The following STEAP2 variants were observed in gnomAD, a reference collection of about 807,000 sequenced individuals.
The protein encoded by STEAP2 is metalloreductase STEAP2.
In STEAP2, 30 loss-of-function variants were observed where a neutral mutation model predicts 46.4. The observed-to-expected ratio is 0.65, with a 90% CI of 0.48 to 0.88. STEAP2 has a LOEUF of 0.88. Among genes scored for constraint, STEAP2 ranks in the 40% least tolerant of loss-of-function variants. The probability of loss-of-function intolerance (pLI) is 0.00; values close to 1 mark genes in which losing one functional copy is unlikely to be tolerated. For synonymous variants in STEAP2, 180 were observed against 200.5 expected (o/e 0.90, Z 0.86); for missense variants, 513 against 579.3 (o/e 0.89, Z 1.18).
In STEAP2 at chr7:90,237,303, A is replaced by G; in HGVS notation, c.*4679A>G. On this transcript the variant is annotated 3_prime_UTR_variant, in exon 6 of 6. Transcript: ENST00000394621. ...CTGCCCTTCAGTTCTTTATCCTGATACCATTTAACACTGTCTGAATTAACT... is the reference window on the plus strand; with the variant it reads ...CTGCCCTTCAGTTCTTTATCCTGATGCCATTTAACACTGTCTGAATTAACT... 9.3e-6 allele frequency: 2 copies of G among 214,044 alleles called. No homozygotes were observed. Among genetic ancestry groups the G allele is most frequent in the Non-Finnish European group, 1.8e-5 (2 of 109,120 alleles). 13.3% of individuals were successfully genotyped at this position (214,044 alleles called of 1,614,324 possible).
chr7:90,235,072 A>G lies in STEAP2; in HGVS notation c.*2448A>G, dbSNP rs1795916354. Reference sequence around the variant, plus strand: ...CACTCTTTTAACACTATGCTTAACCACTTAATGTGATGAAATATTCCTAAA... The same window carrying G: ...CACTCTTTTAACACTATGCTTAACCGCTTAATGTGATGAAATATTCCTAAA... On this transcript the variant is annotated 3_prime_UTR_variant, in exon 6 of 6. Transcript: ENST00000394621. The G allele has an allele frequency of 1.1e-6, 1 of 949,080 alleles. No homozygotes were observed. Among genetic ancestry groups the G allele is most frequent in the Non-Finnish European group, 1.3e-6 (1 of 796,840 alleles). The allele number at this position is 949,080 out of a possible 1,614,324, so 58.8% of individuals were successfully genotyped here. A position where few individuals can be genotyped will look rare whatever the true frequency, so the allele number is the denominator to read the frequency against.
At chr7:90,228,068 G>A (rs1477716324) in intron 4 of STEAP2, among the ~76,000 whole-genome samples, 1 of 152,072 alleles carries the variant, frequency 6.6e-6, no homozygotes, top group Non-Finnish European at 1.5e-5. Flanking sequence ...TTCCACAGGT[G>A]AAGCTTTTCT....
intron 2 of STEAP2, among the ~76,000 whole-genome samples, chr7:90,222,340 C>T (rs1795286323): frequency 6.6e-6 from 1 of 152,122 alleles, no homozygotes; most frequent in East Asian, 1.9e-4. Flanking sequence ...TTCCCAGGAT[C>T]GGGTGCTCCT....
In STEAP2 at chr7:90,233,363, A is replaced by G; in HGVS notation, c.*739A>G. On this transcript the variant is annotated 3_prime_UTR_variant, in exon 6 of 6. Coordinates refer to ENST00000394621, the MANE Select transcript of STEAP2 (RefSeq NM_001244944.2). ...CTGATCAGGAAGAGGATTCAGTAAC[A>G]TTTGGCTTCCAAAACTGCTATCTCT... 1.0e-6 allele frequency: 1 copy of G among 984,970 alleles called. No individual in the cohort carries two copies. 61.0% of individuals were successfully genotyped at this position (984,970 alleles called of 1,614,324 possible).
Position 90,233,480 on chromosome 7 carries a change from G to A in STEAP2, c.*856G>A. 1 of 985,358 alleles carries A rather than the reference G, an allele frequency of 1.0e-6. No individual in the cohort carries two copies. The highest frequency in any genetic ancestry group is 4.7e-5 in the South Asian group (1 of 21,288). 61.0% of individuals were successfully genotyped at this position (985,358 alleles called of 1,614,324 possible). A position where few individuals can be genotyped will look rare whatever the true frequency, so the allele number is the denominator to read the frequency against. On this transcript the variant is annotated 3_prime_UTR_variant, in exon 6 of 6. Coordinates refer to ENST00000394621, the MANE Select transcript of STEAP2 (RefSeq NM_001244944.2). ...ACAAGTAATCTGCCAGCTGACCTTT[G>A]TCGCACCTTAACCAGTCACCACTTG... is the stretch of plus-strand genomic sequence containing the variant.
rs1293179845 is a variant in STEAP2 at position 90,212,032 on chromosome 7, C to CG, written c.-154dup. 1 of 152,766 alleles carries CG rather than the reference C, an allele frequency of 6.5e-6. No homozygotes were observed. The highest frequency in any genetic ancestry group is 1.5e-5 in the Non-Finnish European group (1 of 68,426). The allele number at this position is 152,766 out of a possible 1,614,324, so 9.5% of individuals were successfully genotyped here. On this transcript the variant is annotated 5_prime_UTR_variant, in exon 1 of 6. Transcript: ENST00000394621. ...TCGCCCCTGCCCGGCGTGGAGGGCG[C>CG]GGGGGGCGCGGAGGTGAGCGGGTCG...
downstream of STEAP2, chr7:90,238,034 T>C (rs1398992845): frequency 9.8e-6 from 7 of 716,620 alleles, no homozygotes; most frequent in Non-Finnish European, 1.6e-5. Context: ...TTTTTTATCA[T>C]CCCGCATCCA....
At position 90,237,172 on chromosome 7, in the gene STEAP2, T is replaced by A. The variant is rs975251572; in HGVS notation, c.*4548T>A. The A allele has an allele frequency of 1.3e-5, 6 of 470,352 alleles. No homozygotes were observed. The highest frequency in any genetic ancestry group is 4.0e-5 in the Admixed American group (1 of 25,150). The allele number at this position is 470,352 out of a possible 1,614,324, so 29.1% of individuals were successfully genotyped here. On this transcript the variant is annotated 3_prime_UTR_variant, in exon 6 of 6. Coordinates refer to ENST00000394621, the MANE Select transcript of STEAP2 (RefSeq NM_001244944.2). ...AGCCACACCCAAAGAGTAAGGCAGA[T>A]TAGAGACCAGAAAGACCTTGACTAC...
Position 90,225,046 on chromosome 7 carries a change from C to G in STEAP2, c.-33-4C>G. 6.3e-7 allele frequency: 1 copy of G among 1,595,882 alleles called. No homozygotes were observed. On this transcript the variant is annotated splice_region_variant and splice_polypyrimidine_tract_variant and intron_variant, in intron 2 of 5. Transcript: ENST00000394621. The stretch of plus-strand genomic sequence containing the variant: ...TGATGACCATTTTATTTTCTCTCCC[C>G]TAGGATATTCTTGGTGATCTTGGAA...
chr7:90,239,820 T>C (rs564578120), downstream of STEAP2, among the ~76,000 whole-genome samples: 1 of 152,220 alleles, frequency 6.6e-6, no homozygotes, highest in African/African-American at 2.4e-5. Flanking sequence ...ATTAGAATGG[T>C]TGTCTTCAGG....
Position 90,227,450 on chromosome 7 carries a change from G to C in STEAP2, c.972G>C (p.Pro324=), listed in dbSNP as rs374457285. The change falls in exon 4 of 6, where the codon CCG becomes CCC. Residue 324 remains proline, a synonymous_variant. Transcript: ENST00000394621. ...MVHVAYSLCL[P]MRRSERYLFL... is the part of the protein sequence containing the mutation. ...ATGTTGCCTACAGCCTCTGCTTACCGATGAGAAGGTCAGAGAGATATTTGT... is the reference window on the plus strand; with the variant it reads ...ATGTTGCCTACAGCCTCTGCTTACCCATGAGAAGGTCAGAGAGATATTTGT... The C allele has an allele frequency of 2.5e-6, 4 of 1,602,146 alleles. No homozygotes were observed. Among genetic ancestry groups the C allele is most frequent in the South Asian group, 1.1e-5 (1 of 90,624 alleles).
downstream of STEAP2, among the ~76,000 whole-genome samples, chr7:90,240,299 G>A (rs1796046803): frequency 6.6e-6 from 1 of 151,466 alleles, no homozygotes; most frequent in Non-Finnish European, 1.5e-5. This position sits in a 1 kb window ranked among gnomAD's most constrained non-coding sequence, Gnocchi z 4.1. Flanking sequence ...AAAAAATTAA[G>A]TATAATAAAT....
At chr7:90,238,597 G>A (rs932066229), downstream of STEAP2, among the ~76,000 whole-genome samples, 1 of 152,130 alleles carries the variant, frequency 6.6e-6, no homozygotes, top group African/African-American at 2.4e-5. Flanking sequence ...GCTATGACAA[G>A]CTCACTAACA....
At chr7:90,226,903 G>T (rs1234087796) in intron 3 of STEAP2, 68 bp from the exon 4 acceptor site, 1 of 1,465,476 alleles carries the variant, frequency 6.8e-7, no homozygotes, top group African/African-American at 1.4e-5. Flanking sequence ...TCCGTAAGTG[G>T]AGCATGCGAT....
In STEAP2 at chr7:90,233,059, TTA is replaced by T. The variant is rs1165656467; in HGVS notation, c.*438_*439del. On this transcript the variant is annotated 3_prime_UTR_variant, in exon 6 of 6. Transcript: ENST00000394621. ...CAACTTAAAAAGTAGAAATGCATTA[TTA>T]TACATTTTTTTAAGAAAGGACACGT... 4.1e-6 allele frequency: 4 copies of T among 976,194 alleles called. No homozygotes were observed. In the African/African-American group the frequency reaches 7.0e-5, roughly 17 times the overall value. The allele number at this position is 976,194 out of a possible 1,614,324, so 60.5% of individuals were successfully genotyped here.
At position 90,232,280 on chromosome 7, in the gene STEAP2, A is replaced by G. The variant is rs988266789; in HGVS notation, c.1186-57A>G. 3 of 1,463,398 alleles carry G rather than the reference A, an allele frequency of 2.1e-6. No individual in the cohort carries two copies. In the African/African-American group the frequency reaches 4.3e-5, roughly 21 times the overall value. The allele number at this position is 1,463,398 out of a possible 1,614,324, so 90.7% of individuals were successfully genotyped here. On this transcript the variant is annotated intron_variant, in intron 5 of 5. Transcript: ENST00000394621. The stretch of plus-strand genomic sequence containing the variant: ...GTGTATCTTGATAGTTTAATTTATG[A>G]GTTTCAGTCATTTGTTTCTTATTCT...
rs892583716 is a variant in STEAP2 at position 90,234,644 on chromosome 7, G to A, written c.*2020G>A. 15 of 667,300 alleles carry A rather than the reference G, an allele frequency of 2.2e-5. No individual in the cohort carries two copies. Among genetic ancestry groups the A allele is most frequent in the African/African-American group, 1.6e-4 (8 of 49,756 alleles). The allele number at this position is 667,300 out of a possible 1,614,324, so 41.3% of individuals were successfully genotyped here. ...CGGCTCACTGCAAGCTCTGCCTCCC[G>A]GGTTCACGCCATTCTCCTGCCTCAG... On this transcript the variant is annotated 3_prime_UTR_variant, in exon 6 of 6. Coordinates refer to ENST00000394621, the MANE Select transcript of STEAP2 (RefSeq NM_001244944.2).
In STEAP2 at chr7:90,227,453, G is replaced by C; in HGVS notation, c.975G>C (p.Met325Ile). ...TTGCCTACAGCCTCTGCTTACCGAT[G>C]AGAAGGTCAGAGAGATATTTGTTTC... The part of the protein sequence containing the change: ...VHVAYSLCLP[M>I]RRSERYLFLN... The change falls in exon 4 of 6, where the codon ATG becomes ATC. Residue 325 changes from methionine (M) to isoleucine (I), a missense_variant. By Grantham distance (10) the Met-to-Ile change is conservative (BLOSUM62 1). Transcript: ENST00000394621. 6.3e-7 allele frequency: 1 copy of C among 1,599,300 alleles called. No homozygotes were observed. Among genetic ancestry groups the C allele is most frequent in the South Asian group, 1.1e-5 (1 of 90,372 alleles).
intron 1 of STEAP2, 142 bp downstream of exon 1, chr7:90,212,187 A>C (rs1794839667): frequency 6.6e-6 from 1 of 152,442 alleles, no homozygotes; most frequent in Admixed American, 6.5e-5. Context: ...GGGGTCCCTC[A>C]TCTCCTGGCA....
Sources: gnomAD v4.1 joint callset for allele counts (sites outside exome capture counted in the v4.1 genomes callset) on GRCh38, gnomAD v4.1.1 for gene constraint, Gnocchi (gnomAD v3.1) non-coding constraint, MANE v1.5 for transcripts, NCBI Gene and HGNC (gene_info 2026-07-23, HGNC 2026-07-21) for gene names.